The following GRIP1 variants were observed in gnomAD, a reference collection of about 807,000 sequenced individuals.
GRIP1 encodes glutamate receptor-interacting protein 1.
GRIP1 carries 45 observed loss-of-function variants against 129.9 expected under a neutral mutation model. The ratio of observed to expected loss-of-function variants is 0.35; its 90% CI spans 0.27 to 0.44. The LOEUF (loss-of-function observed/expected upper bound fraction) is 0.44, where lower values mean the gene tolerates loss of function less well. Among genes scored for constraint, GRIP1 ranks in the 20% least tolerant of loss-of-function variants. The probability of loss-of-function intolerance (pLI) is 1.00; values close to 1 mark genes in which losing one functional copy is unlikely to be tolerated. For missense variants in GRIP1, 1,196 were observed against 1,396.8 expected, an observed-to-expected ratio of 0.86 and a Z score of 2.29; for synonymous variants, 530 against 520.8, an observed-to-expected ratio of 1.02 and a Z score of -0.24.
intron 16 of GRIP1, among the ~76,000 whole-genome samples, chr12:66,398,405 C>T (rs2056872445): frequency 6.6e-6 from 1 of 151,952 alleles, no homozygotes; most frequent in African/African-American, 2.4e-5. Context: ...TTCATAGAAC[C>T]ACTGCAATTC....
chr12:66,535,883 T>C (rs2061590601), intron 4 of GRIP1, among the ~76,000 whole-genome samples: 1 of 152,134 alleles, frequency 6.6e-6, no homozygotes, highest in African/African-American at 2.4e-5. Context: ...TCTCTCAAAC[T>C]CCAAATCATA....
intron 1 of GRIP1, among the ~76,000 whole-genome samples, chr12:66,610,121 C>T (rs2064726358): frequency 6.6e-6 from 1 of 152,000 alleles, no homozygotes; most frequent in African/African-American, 2.4e-5. Context: ...ATACGCAAAT[C>T]AGTCAGAATT....
At chr12:66,951,208 G>T (rs535195878) in intron 1 of GRIP1, among the ~76,000 whole-genome samples, 1 of 152,254 alleles carries the variant, frequency 6.6e-6, no homozygotes, top group South Asian at 2.1e-4. Flanking sequence ...TATATTAATA[G>T]CAGAATATAA....
chr12:66,398,027 G>A (rs150881105), intron 16 of GRIP1, among the ~76,000 whole-genome samples: 53 of 152,178 alleles, frequency 3.5e-4, no homozygotes, highest in African/African-American at 1.1e-3. Context: ...CATATGGCCC[G>A]TCTGCCCACA....
intron 1 of GRIP1, among the ~76,000 whole-genome samples, chr12:66,974,589 G>C (rs7302756): frequency 6.6e-6 from 1 of 152,048 alleles, no homozygotes; most frequent in Non-Finnish European, 1.5e-5. Flanking sequence ...ATTTAAACAC[G>C]GATATTGTTC....
intron 2 of GRIP1, among the ~76,000 whole-genome samples, chr12:66,580,140 T>C (rs1334249585): frequency 2.7e-5 from 4 of 146,986 alleles, no homozygotes; most frequent in Admixed American, 6.9e-5. Flanking sequence ...ACCCAGAATT[T>C]CATATCCAGC....
chr12:66,538,988 A>T, intron 4 of GRIP1, 90 bp downstream of exon 4: 1 of 1,071,224 alleles, frequency 9.3e-7, no homozygotes, highest in South Asian at 1.3e-5. Context: ...AACCTGATAT[A>T]TATAGGGTTT....
chr12:66,608,333 TTTTG>T (rs750418064), intron 1 of GRIP1, among the ~76,000 whole-genome samples: 16 of 152,208 alleles, frequency 1.1e-4, no homozygotes, highest in East Asian at 1.9e-4. Context: ...GAGAGAGGTT[TTTTG>T]TTTGTTTGTT....
At chr12:66,785,362 A>ATATATATATATATG (rs1566021161) in intron 1 of GRIP1, among the ~76,000 whole-genome samples, 2 of 144,320 alleles carry the variant, frequency 1.4e-5, no homozygotes, top group African/African-American at 5.1e-5. Flanking sequence ...ATATATATAT[A>ATATATATATATATG]TTAGTTGGGC....
intron 1 of GRIP1, among the ~76,000 whole-genome samples, chr12:66,882,658 G>A (rs911438776): frequency 2.6e-5 from 4 of 152,148 alleles, no homozygotes; most frequent in Admixed American, 6.6e-5. Context: ...TACCACCACT[G>A]CCATCATCAT....
intron 1 of GRIP1, among the ~76,000 whole-genome samples, chr12:66,742,772 T>C (rs1052837773): frequency 6.6e-6 from 1 of 152,000 alleles, no homozygotes; most frequent in Admixed American, 6.6e-5. Context: ...AAAGGGCAAA[T>C]GAGACATGAT....
chr12:66,463,864 T>G (rs2059206656), intron 8 of GRIP1, among the ~76,000 whole-genome samples: 1 of 152,096 alleles, frequency 6.6e-6, no homozygotes, highest in South Asian at 2.1e-4. Flanking sequence ...CTCCTTAAAC[T>G]GGTTACCCCC....
chr12:66,405,046 AC>A (rs2057142657), intron 16 of GRIP1, among the ~76,000 whole-genome samples: 1 of 152,160 alleles, frequency 6.6e-6, no homozygotes, highest in Non-Finnish European at 1.5e-5. Flanking sequence ...CAAGAAACAA[AC>A]AAACAAAACA....
intron 13 of GRIP1, among the ~76,000 whole-genome samples, chr12:66,443,068 T>C (rs1234813800): frequency 6.6e-6 from 1 of 152,196 alleles, no homozygotes; most frequent in African/African-American, 2.4e-5. Context: ...GTCTGTGAGG[T>C]AGTCTTTCAT....
chr12:66,534,344 A>G (rs915331118), intron 4 of GRIP1, among the ~76,000 whole-genome samples: 1 of 152,158 alleles, frequency 6.6e-6, no homozygotes, highest in African/African-American at 2.4e-5. Flanking sequence ...AACTCTACTA[A>G]TGCTATTTTT....
At chr12:66,681,206 T>C (rs1272311974), upstream of GRIP1, among the ~76,000 whole-genome samples, 1 of 152,134 alleles carries the variant, frequency 6.6e-6, no homozygotes, top group Non-Finnish European at 1.5e-5. Flanking sequence ...TGGAGCCTCC[T>C]GGAGTAATTC....
chr12:66,669,841 A>T (rs989637028), intron 1 of GRIP1, among the ~76,000 whole-genome samples: 1 of 152,246 alleles, frequency 6.6e-6, no homozygotes, highest in Non-Finnish European at 1.5e-5. Context: ...AGTAGACTTC[A>T]AGAGCACAGA....
At chr12:66,686,796 C>T (rs2136299787) in intron 1 of GRIP1, among the ~76,000 whole-genome samples, 1 of 152,314 alleles carries the variant, frequency 6.6e-6, no homozygotes, top group Non-Finnish European at 1.5e-5. Context: ...GTGGCTCACA[C>T]CTGTAATCTC....
intron 7 of GRIP1, among the ~76,000 whole-genome samples, chr12:66,466,805 C>T (rs1164139446): frequency 6.6e-6 from 1 of 152,168 alleles, no homozygotes; most frequent in Non-Finnish European, 1.5e-5. Context: ...TAATTTTCAA[C>T]TGTTCTGATG....
Sources: allele counts gnomAD v4.1 joint callset (sites outside exome capture counted in the v4.1 genomes callset), GRCh38; gene constraint gnomAD v4.1.1; transcripts MANE v1.5; gene names NCBI Gene and HGNC (gene_info 2026-07-23, HGNC 2026-07-21).